The following KDM4C variants were observed in gnomAD, a reference collection of about 807,000 sequenced individuals.
KDM4C encodes lysine-specific demethylase 4C.
In KDM4C, 81 loss-of-function variants were observed where a neutral mutation model predicts 129.3. The observed-to-expected ratio is 0.63, with a 90% confidence interval of 0.52 to 0.75. KDM4C has a LOEUF of 0.75. KDM4C is among the 30% of genes least tolerant of loss of function. KDM4C has a pLI of 0.00. For missense variants in KDM4C, 1,457 were observed against 1,304.0 expected (o/e 1.12, Z -1.81); for synonymous variants, 573 against 456.1 (o/e 1.26, Z -3.26).
chr9:6,981,916 A>G (rs918843967), intron 9 of KDM4C: 13 of 221,762 alleles, frequency 5.9e-5, no homozygotes. Flanking sequence ...ATCCCATATC[A>G]CTCATAACCT....
At chr9:6,755,110 G>C (rs970610344), upstream of KDM4C, among the ~76,000 whole-genome samples, 1 of 152,054 alleles carries the variant, frequency 6.6e-6, no homozygotes, top group African/African-American at 2.4e-5. Context: ...GGTGGCTCAC[G>C]CTTGTAATCC....
At chr9:6,920,866 C>G (rs932983685) in intron 8 of KDM4C, among the ~76,000 whole-genome samples, 2 of 152,062 alleles carry the variant, frequency 1.3e-5, no homozygotes, top group African/African-American at 4.8e-5. Flanking sequence ...TCAGAGAGGC[C>G]TTGAGGTTTC....
chr9:7,096,110 G>T (rs1275697949), intron 17 of KDM4C, among the ~76,000 whole-genome samples: 1 of 152,060 alleles, frequency 6.6e-6, no homozygotes, highest in African/African-American at 2.4e-5. Flanking sequence ...TGCCCCTTTT[G>T]CCCTTTAAAT....
chr9:7,158,541 T>C (rs2130293033), intron 19 of KDM4C, among the ~76,000 whole-genome samples: 2 of 152,332 alleles, frequency 1.3e-5, no homozygotes, highest in Middle Eastern at 6.8e-3. Context: ...TGGTATGTTG[T>C]CTTTGTTCTC....
chr9:6,917,649 G>A (rs1392714894), intron 8 of KDM4C, among the ~76,000 whole-genome samples: 1 of 152,132 alleles, frequency 6.6e-6, no homozygotes, highest in Non-Finnish European at 1.5e-5. Context: ...GTCCAGCCAT[G>A]TTGCCGAGTT....
intron 6 of KDM4C, among the ~76,000 whole-genome samples, chr9:6,882,013 G>C (rs1454976172): frequency 1.3e-5 from 2 of 152,176 alleles, no homozygotes; most frequent in Non-Finnish European, 2.9e-5. Context: ...TTTTATGCAT[G>C]AATGCTTTCA....
At chr9:7,068,181 A>G (rs993277686) in intron 17 of KDM4C, among the ~76,000 whole-genome samples, 1 of 152,224 alleles carries the variant, frequency 6.6e-6, no homozygotes, top group African/African-American at 2.4e-5. Context: ...GTCTTTAAAT[A>G]GCATACTATA....
chr9:6,860,923 A>G (rs111644350), intron 5 of KDM4C, among the ~76,000 whole-genome samples: 2,536 of 152,298 alleles, frequency 0.017, 74 homozygotes, highest in African/African-American at 0.057. Flanking sequence ...TAAAAGTGTC[A>G]AAAATGAAAA....
intron 9 of KDM4C, among the ~76,000 whole-genome samples, chr9:6,983,640 CT>C (rs1228878929): frequency 1.3e-5 from 2 of 149,198 alleles, no homozygotes; most frequent in South Asian, 4.2e-4. Flanking sequence ...GTTTTAAATC[CT>C]TTCGCTATTG....
At chr9:6,765,916 G>A (rs1458467784) in intron 1 of KDM4C, among the ~76,000 whole-genome samples, 1 of 152,042 alleles carries the variant, frequency 6.6e-6, no homozygotes, top group Non-Finnish European at 1.5e-5. Context: ...AGTCTCCTGA[G>A]TAGCTGGGAC....
At chr9:6,955,538 A>C (rs954165122) in intron 8 of KDM4C, among the ~76,000 whole-genome samples, 1 of 152,190 alleles carries the variant, frequency 6.6e-6, no homozygotes. Context: ...TGTTGCCTGC[A>C]TATTTGCATG....
intron 15 of KDM4C, among the ~76,000 whole-genome samples, chr9:7,026,164 C>T (rs535161151): frequency 2.0e-4 from 31 of 151,386 alleles, no homozygotes; most frequent in African/African-American, 7.0e-4. Context: ...GAGATCGCAC[C>T]GCTGTACTCC....
At chr9:7,015,293 CAT>C (rs1184414603) in intron 14 of KDM4C, among the ~76,000 whole-genome samples, 1 of 152,064 alleles carries the variant, frequency 6.6e-6, no homozygotes, top group Non-Finnish European at 1.5e-5. Flanking sequence ...GTCAGAGTGA[CAT>C]GTGTTCCTTG....
At chr9:6,998,890 C>T (rs1028984194) in intron 12 of KDM4C, among the ~76,000 whole-genome samples, 1 of 152,176 alleles carries the variant, frequency 6.6e-6, no homozygotes, top group African/African-American at 2.4e-5. Context: ...TGTGTGTTTT[C>T]CCAGGACTAG....
At chr9:6,944,359 T>C (rs2131426448) in intron 8 of KDM4C, among the ~76,000 whole-genome samples, 1 of 152,332 alleles carries the variant, frequency 6.6e-6, no homozygotes, top group African/African-American at 2.4e-5. Flanking sequence ...TTTGCAGGAT[T>C]TCATGCACAT....
chr9:6,761,662 G>C (rs891175040), intron 1 of KDM4C, among the ~76,000 whole-genome samples: 4 of 152,118 alleles, frequency 2.6e-5, no homozygotes, highest in Admixed American at 6.6e-5. Context: ...ACTGCTCATG[G>C]TTATTCCCTT....
intron 8 of KDM4C, among the ~76,000 whole-genome samples, chr9:6,907,478 A>T (rs1179580346): frequency 6.6e-6 from 1 of 152,192 alleles, no homozygotes; most frequent in Non-Finnish European, 1.5e-5. Context: ...CTCTGGACCA[A>T]TGTCTAAATG....
intron 1 of KDM4C, among the ~76,000 whole-genome samples, chr9:6,721,765 T>G (rs1012154216): frequency 6.6e-6 from 1 of 151,926 alleles, no homozygotes; most frequent in African/African-American, 2.4e-5. Flanking sequence ...ATTTTTTGTA[T>G]TTTTAGTAGA....
intron 3 of KDM4C, among the ~76,000 whole-genome samples, chr9:6,806,920 G>A (rs1013190288): frequency 3.3e-5 from 4 of 120,618 alleles, no homozygotes; most frequent in East Asian, 4.1e-4. Context: ...CTCCCTCTCC[G>A]TCTCCCCACG....
Sources: allele counts gnomAD v4.1 joint callset (sites outside exome capture counted in the v4.1 genomes callset), GRCh38; gene constraint gnomAD v4.1.1; transcripts MANE v1.5; gene names NCBI Gene and HGNC (gene_info 2026-07-23, HGNC 2026-07-21).